The following TLL1 variants were observed in gnomAD, a reference collection of about 807,000 sequenced individuals.
TLL1 encodes tolloid like 1, also known as tolloid-like protein 1.
A neutral mutation model predicts 128.2 loss-of-function variants in TLL1; 49 were observed. The observed-to-expected ratio is 0.38, with a 90% CI of 0.30 to 0.48. TLL1 has a LOEUF of 0.48. Ranked by LOEUF, TLL1 falls within the 20% of genes least tolerant of loss-of-function variation. The pLI is 0.96. For missense variants in TLL1, 1,123 were observed against 1,242.0 expected (o/e 0.90, Z 1.44); for synonymous variants, 454 against 418.8 (o/e 1.08, Z -1.03).
intron 1 of TLL1, among the ~76,000 whole-genome samples, chr4:165,938,440 C>T (rs1202392248): frequency 6.6e-6 from 1 of 152,132 alleles, no homozygotes; most frequent in Admixed American, 6.5e-5. Flanking sequence ...TCTGGTGCTT[C>T]CGCCTGAGGA....
At chr4:166,068,085 G>A (rs1453765938) in intron 16 of TLL1, among the ~76,000 whole-genome samples, 1 of 151,778 alleles carries the variant, frequency 6.6e-6, no homozygotes, top group Non-Finnish European at 1.5e-5. Flanking sequence ...TTCACTTTGT[G>A]AATCATTGAA....
chr4:165,965,903 G>A (rs186924355), intron 1 of TLL1, among the ~76,000 whole-genome samples: 20 of 152,232 alleles, frequency 1.3e-4, no homozygotes, highest in Non-Finnish European at 2.1e-4. Flanking sequence ...GGACTAGACC[G>A]GGTGCAGTGG....
chr4:166,034,384 T>A (rs1231646702), intron 9 of TLL1, among the ~76,000 whole-genome samples: 2 of 152,088 alleles, frequency 1.3e-5, no homozygotes, highest in Non-Finnish European at 2.9e-5. Flanking sequence ...TTGGAATACT[T>A]TGTCAGAGCA....
Position 166,060,201 on chromosome 4 carries a change from T to C in TLL1, c.2007+13T>C. 1 of 1,612,586 alleles carries C rather than the reference T, an allele frequency of 6.2e-7. No individual in the cohort carries two copies. The highest frequency in any genetic ancestry group is 8.5e-7 in the Non-Finnish European group (1 of 1,179,490). On this transcript the variant is annotated intron_variant, in intron 15 of 20. Transcript: ENST00000061240. Reference sequence around the variant, plus strand: ...GGAAGGCAATGAAGTAAGTGAACAATAACTGTAATTTTTTAAATCATGTTT... The same window carrying C: ...GGAAGGCAATGAAGTAAGTGAACAACAACTGTAATTTTTTAAATCATGTTT...
intron 1 of TLL1, among the ~76,000 whole-genome samples, chr4:165,974,302 G>A (rs1183532608): frequency 1.4e-5 from 2 of 142,350 alleles, no homozygotes; most frequent in African/African-American, 3.0e-5. Context: ...CACTACGCCC[G>A]GCTAATTTTT....
intron 18 of TLL1, among the ~76,000 whole-genome samples, chr4:166,078,784 C>T (rs560876953): frequency 1.3e-5 from 2 of 152,132 alleles, no homozygotes; most frequent in African/African-American, 4.8e-5. Context: ...AAGGCAGTGC[C>T]AACTAACAAG....
intron 1 of TLL1, among the ~76,000 whole-genome samples, chr4:165,880,106 A>C (rs941145077): frequency 7.2e-5 from 11 of 152,196 alleles, no homozygotes; most frequent in African/African-American, 2.2e-4. Flanking sequence ...GGAATGAATG[A>C]CATAGATCGT....
chr4:166,042,977 A>G (rs1436016374), intron 11 of TLL1, among the ~76,000 whole-genome samples: 1 of 152,234 alleles, frequency 6.6e-6, no homozygotes, highest in Non-Finnish European at 1.5e-5. Context: ...ACAAACTCAC[A>G]GAGAATAAAT....
intron 1 of TLL1, among the ~76,000 whole-genome samples, chr4:165,972,741 C>G (rs1735682361): frequency 6.6e-6 from 1 of 152,186 alleles, no homozygotes. Context: ...ATTACCCTAT[C>G]TATCTTTTCA....
rs1032653316 is a variant in TLL1 at position 166,103,720 on chromosome 4, T to C, written c.*2844T>C. The C allele has an allele frequency of 2.6e-5, 4 of 151,818 alleles. No individual in the cohort carries two copies. Among genetic ancestry groups the C allele is most frequent in the African/African-American group, 9.7e-5 (4 of 41,416 alleles). The allele number at this position is 151,818 out of a possible 1,614,324, so 9.4% of individuals were successfully genotyped here. A position where few individuals can be genotyped will look rare whatever the true frequency, so the allele number is the denominator to read the frequency against. ...ACAGACAGCTTCATTGTTGTATTGT[T>C]AATAATTGTTACTTACTGCTCCAGG... On this transcript the variant is annotated 3_prime_UTR_variant, in exon 21 of 21. Transcript: ENST00000061240.
At chr4:165,929,735 C>T (rs1444261097) in intron 1 of TLL1, among the ~76,000 whole-genome samples, 2 of 152,150 alleles carry the variant, frequency 1.3e-5, no homozygotes, top group African/African-American at 4.8e-5. Flanking sequence ...TCTAGCCTAG[C>T]AGATAACTTT....
At chr4:165,949,717 T>G (rs1734420418) in intron 1 of TLL1, among the ~76,000 whole-genome samples, 1 of 152,030 alleles carries the variant, frequency 6.6e-6, no homozygotes, top group African/African-American at 2.4e-5. Flanking sequence ...AGTCTCATGG[T>G]ACTTATTCAC....
chr4:165,951,515 G>A (rs915803504), intron 1 of TLL1, among the ~76,000 whole-genome samples: 3 of 152,094 alleles, frequency 2.0e-5, no homozygotes, highest in African/African-American at 2.4e-5. Context: ...CAGTGAATGT[G>A]GTCAGTGGCT....
At chr4:166,026,425 G>A (rs186187097) in intron 9 of TLL1, among the ~76,000 whole-genome samples, 11 of 152,160 alleles carry the variant, frequency 7.2e-5, no homozygotes, top group Admixed American at 1.3e-4. Flanking sequence ...GGTGGCTCAC[G>A]CCTGTAATCC....
intron 5 of TLL1, among the ~76,000 whole-genome samples, chr4:165,997,216 C>T (rs1265208395): frequency 6.6e-6 from 1 of 152,018 alleles, no homozygotes. Flanking sequence ...TATTAAAGAG[C>T]TTGGTAGTTG....
Position 166,099,351 on chromosome 4 carries a change from T to C in TLL1, c.2731T>C (p.Tyr911His), listed in dbSNP as rs1418139177. ...ACATGCTCAGTTTGGTGATAACAAC[T>C]ACCCAGGACAGGTTGACTGTGAATG... ...YSHAQFGDNN[Y>H]PGQVDCEWLL... Residue 911 changes from tyrosine (Y) to histidine (H), a missense_variant, in exon 20 of 21, where the codon TAC (tyrosine) becomes CAC (histidine). This residue lies in a region of TLL1 where 634 missense variants were observed against 672.4 expected (regional missense o/e 0.94). Coordinates refer to ENST00000061240, the MANE Select transcript of TLL1 (RefSeq NM_012464.5). 1.9e-6 allele frequency: 3 copies of C among 1,613,608 alleles called. No individual in the cohort carries two copies. The highest frequency in any genetic ancestry group is 2.2e-5 in the South Asian group (2 of 91,086).
intron 1 of TLL1, among the ~76,000 whole-genome samples, chr4:165,889,555 C>T (rs899396784): frequency 5.9e-5 from 9 of 152,178 alleles, no homozygotes; most frequent in Non-Finnish European, 1.2e-4. Context: ...ACAGTGTTTG[C>T]GTAAAGTGGT....
At chr4:165,975,954 C>G (rs1735857376) in intron 1 of TLL1, among the ~76,000 whole-genome samples, 1 of 135,774 alleles carries the variant, frequency 7.4e-6, no homozygotes, top group African/African-American at 2.7e-5. Flanking sequence ...AGGAGAATTG[C>G]TGGAATCCGG....
chr4:165,895,792 C>T (rs1731650625), intron 1 of TLL1, among the ~76,000 whole-genome samples: 1 of 151,962 alleles, frequency 6.6e-6, no homozygotes, highest in Non-Finnish European at 1.5e-5. Context: ...AGCTACAGTA[C>T]TCAAGACAGG....
Sources: gnomAD v4.1 joint callset for allele counts (sites outside exome capture counted in the v4.1 genomes callset) on GRCh38, gnomAD v4.1.1 for gene constraint, gnomAD v4.1.1 regional missense constraint, MANE v1.5 for transcripts, NCBI Gene and HGNC (gene_info 2026-07-23, HGNC 2026-07-21) for gene names.